ZNF644: variants seen among roughly 807,000 people sequenced by gnomAD.
ZNF644 encodes the protein zinc finger motif enhancer binding protein 2.
ZNF644 carries 20 observed loss-of-function variants against 108.0 expected under a neutral mutation model. The ratio of observed to expected loss-of-function variants is 0.19; its 90% CI spans 0.13 to 0.27. ZNF644 has a LOEUF of 0.27. ZNF644 is among the 10% of genes least tolerant of loss of function. ZNF644 has a pLI of 1.00. For synonymous variants in ZNF644, 542 were observed against 539.1 expected (o/e 1.01, Z -0.08); for missense variants, 1,338 against 1,548.9 (o/e 0.86, Z 2.29).
chr1:91,011,257 T>C (rs1446764140), intron 1 of ZNF644, among the ~76,000 whole-genome samples: 1 of 152,180 alleles, frequency 6.6e-6, no homozygotes, highest in African/African-American at 2.4e-5. Context: ...TAAATGAACT[T>C]ATTACAAATT....
At chr1:90,920,990 C>T (rs1472443033) in intron 4 of ZNF644, among the ~76,000 whole-genome samples, 3 of 152,028 alleles carry the variant, frequency 2.0e-5, no homozygotes, top group Non-Finnish European at 4.4e-5. Context: ...TCCTGTGATA[C>T]TGCCCATACC....
intron 2 of ZNF644, among the ~76,000 whole-genome samples, chr1:90,967,781 C>A (rs1343287938): frequency 6.6e-6 from 1 of 151,826 alleles, no homozygotes; most frequent in Non-Finnish European, 1.5e-5. Context: ...GGCACGGTGG[C>A]TCACGCCTGT....
At chr1:91,014,012 A>C (rs891592379) in intron 1 of ZNF644, among the ~76,000 whole-genome samples, 4 of 152,200 alleles carry the variant, frequency 2.6e-5, no homozygotes, top group African/African-American at 9.6e-5. Context: ...GCTGACCTAT[A>C]CAATCTATTT....
intron 1 of ZNF644, among the ~76,000 whole-genome samples, chr1:90,998,382 TTCAGCAATATTTGCTGC>T (rs1553160856): frequency 6.6e-6 from 1 of 152,170 alleles, no homozygotes; most frequent in Non-Finnish European, 1.5e-5. Flanking sequence ...ACATTTGCTG[TTCAGCAATATTTGCTGC>T]TCTGCAGCCT....
At chr1:90,962,393 A>G (rs1475623389) in intron 2 of ZNF644, among the ~76,000 whole-genome samples, 1 of 152,052 alleles carries the variant, frequency 6.6e-6, no homozygotes, top group Non-Finnish European at 1.5e-5. Context: ...CTGATACCAC[A>G]GAGCAGTAGG....
At chr1:90,991,610 C>G (rs1657643887) in intron 1 of ZNF644, among the ~76,000 whole-genome samples, 1 of 152,120 alleles carries the variant, frequency 6.6e-6, no homozygotes, top group South Asian at 2.1e-4. Context: ...AACCTGCAAT[C>G]ATGGCAGAAG....
rs868702544 is a variant in ZNF644 at position 91,001,165 on chromosome 1, C to A, written c.-17-18795G>T. ...ATTCCAATCAATAGGAAAAGAGGGA[C>A]TCCTCCCTAACTCATTTTATGAGGC... On this transcript the variant is annotated intron_variant, in intron 1 of 5. Coordinates refer to ENST00000337393, the MANE Select transcript of ZNF644 (RefSeq NM_201269.3). Among the ~76,000 whole-genome samples, 15 of 152,262 alleles carry A rather than the reference C, an allele frequency of 9.9e-5. 1 individual carries two copies. Among genetic ancestry groups the A allele is most frequent in the East Asian group, 7.7e-4 (4 of 5,186 alleles).
intron 1 of ZNF644, among the ~76,000 whole-genome samples, chr1:91,002,468 C>T (rs1484040356): frequency 6.6e-6 from 1 of 152,186 alleles, no homozygotes. Context: ...GGAAAACTGG[C>T]TAGCCATATG....
rs1183212627 is a variant in ZNF644, at chr1:90,918,123, T to C, written c.3720A>G (p.Ser1240=). 6.2e-7 allele frequency: 1 copy of C among 1,614,082 alleles called. No homozygotes were observed. The highest frequency in any genetic ancestry group is 1.7e-5 in the Admixed American group (1 of 60,028). Residue 1240 remains serine, a synonymous_variant, in exon 5 of 6, where the codon TCA becomes TCG. Coordinates refer to ENST00000337393, the MANE Select transcript of ZNF644 (RefSeq NM_201269.3). ...GCATTTTCTTCTTGCTTCCAGATCT[T>C]GACCTTGATTTCTTTTGCTTACAAT... is the stretch of plus-strand genomic sequence containing the variant. ...ALDCKQKKSR[S]RSGSKKKMLT...
intron 4 of ZNF644, among the ~76,000 whole-genome samples, chr1:90,925,426 C>A (rs750584871): frequency 1.3e-5 from 2 of 152,016 alleles, no homozygotes; most frequent in African/African-American, 2.4e-5. Flanking sequence ...ATATCCAGGG[C>A]AACTTGAACC....
intron 2 of ZNF644, among the ~76,000 whole-genome samples, chr1:90,977,911 T>C (rs1227948890): frequency 6.6e-6 from 1 of 152,216 alleles, no homozygotes; most frequent in Non-Finnish European, 1.5e-5. Context: ...AAGAAAAAGA[T>C]GTAGAATACA....
At chr1:90,928,624 C>A (rs1482141248) in intron 4 of ZNF644, among the ~76,000 whole-genome samples, 2 of 151,884 alleles carry the variant, frequency 1.3e-5, no homozygotes, top group Non-Finnish European at 2.9e-5. Flanking sequence ...CGCCCGGCCT[C>A]CTTATTTTTA....
chr1:91,000,544 T>G (rs1372048506), intron 1 of ZNF644, among the ~76,000 whole-genome samples: 2 of 152,010 alleles, frequency 1.3e-5, no homozygotes, highest in Admixed American at 6.6e-5. Context: ...AAGCAGTGTG[T>G]AGAGGGAAAT....
intron 2 of ZNF644, among the ~76,000 whole-genome samples, chr1:90,966,722 T>C: frequency 7.5e-6 from 1 of 132,754 alleles, no homozygotes; most frequent in African/African-American, 2.9e-5. Context: ...TGCACTCCAG[T>C]ATGGGTGACA....
Position 90,937,943 on chromosome 1 carries a change from C to T in ZNF644, c.3230G>A (p.Cys1077Tyr). ...ATTTTGCATCATCTCATTCAGAACACAGATTGGAGATTTGTGAGCATCCCA... is the reference window on the plus strand; with the variant it reads ...ATTTTGCATCATCTCATTCAGAACATAGATTGGAGATTTGTGAGCATCCCA... ...TKWDAHKSPICVLNEMMQNEE... is the reference protein window; with the variant it reads ...TKWDAHKSPIYVLNEMMQNEE... Residue 1077 changes from cysteine (C) to tyrosine (Y), a missense_variant, in exon 4 of 6, where the codon TGT becomes TAT. This residue lies in a region of ZNF644 where 287 missense variants were observed against 310.9 expected (regional missense o/e 0.92). Coordinates refer to ENST00000337393, the MANE Select transcript of ZNF644 (RefSeq NM_201269.3). The T allele has an allele frequency of 6.2e-7, 1 of 1,613,384 alleles. No individual in the cohort carries two copies. The highest frequency in any genetic ancestry group is 1.1e-5 in the South Asian group (1 of 91,074).
In ZNF644 at chr1:90,916,541, T is replaced by C; in HGVS notation, c.*257A>G. ...AACAGTTTATTAATGGCTGCTTACA[T>C]GTACTGCTCTTTTACTGAGTGAACA... On this transcript the variant is annotated 3_prime_UTR_variant, in exon 6 of 6. Transcript: ENST00000337393. The C allele has an allele frequency of 2.1e-6, 1 of 485,844 alleles. No individual in the cohort carries two copies. The highest frequency in any genetic ancestry group is 3.9e-5 in the East Asian group (1 of 25,474). The allele number at this position is 485,844 out of a possible 1,614,324, so 30.1% of individuals were successfully genotyped here.
At chr1:90,981,474 G>A (rs1656544500) in intron 2 of ZNF644, among the ~76,000 whole-genome samples, 2 of 151,700 alleles carry the variant, frequency 1.3e-5, no homozygotes, top group African/African-American at 4.9e-5. Flanking sequence ...TTTCATCCTA[G>A]ACTTTTTTTT....
intron 1 of ZNF644, among the ~76,000 whole-genome samples, chr1:90,999,077 T>A (rs1658483445): frequency 6.6e-6 from 1 of 152,186 alleles, no homozygotes. Flanking sequence ...TTGGTGTACC[T>A]TAAAGTGACA....
chr1:90,924,258 C>G (rs1649778697), intron 4 of ZNF644, among the ~76,000 whole-genome samples: 1 of 152,114 alleles, frequency 6.6e-6, no homozygotes, highest in South Asian at 2.1e-4. Context: ...AAGAAAATAA[C>G]ATTTAAAAAT....
Sources: gnomAD v4.1 joint callset for allele counts (sites outside exome capture counted in the v4.1 genomes callset) on GRCh38, gnomAD v4.1.1 for gene constraint, gnomAD v4.1.1 regional missense constraint, MANE v1.5 for transcripts, NCBI Gene and HGNC (gene_info 2026-07-23, HGNC 2026-07-21) for gene names.